ZCCHC10: variants seen among roughly 807,000 people sequenced by gnomAD.
ZCCHC10 encodes the protein zinc finger CCHC-type containing 10, also known as zinc finger CCHC domain-containing protein 10.
ZCCHC10 carries 16 observed loss-of-function variants against 19.5 expected under a neutral mutation model. The ratio of observed to expected loss-of-function variants is 0.82; its 90% CI spans 0.56 to 1.25. The LOEUF is 1.25. Ranked by LOEUF, ZCCHC10 falls within the 50% of genes most tolerant of loss-of-function variation. ZCCHC10 has a pLI of 0.00. For synonymous variants in ZCCHC10, 67 were observed against 72.5 expected, an observed-to-expected ratio of 0.92 and a Z score of 0.38; for missense variants, 197 against 201.0, an observed-to-expected ratio of 0.98 and a Z score of 0.12.
rs1713159046 is a variant in ZCCHC10 at position 133,023,480 on chromosome 5, T to TA, written c.42-575dup. ...AAAGACCTTTTTTTTTTTTTTTTTT[T>TA]AAAGAACGATAAAGCCAGGTGCGGT... On this transcript the variant is annotated intron_variant, in intron 1 of 4. Transcript: ENST00000509437. Among the ~76,000 whole-genome samples the TA allele has an allele frequency of 8.2e-5, 11 of 134,494 alleles. No homozygotes were observed. The South Asian group carries it at 2.5e-3, about 30-fold the overall frequency. The allele number at this position is 134,494 out of a possible 152,430, so 88.2% of individuals were successfully genotyped here.
In ZCCHC10 at chr5:133,004,513, A is replaced by C. The variant is rs1031904844; in HGVS notation, c.269+2246T>G. On this transcript the variant is annotated intron_variant, in intron 3 of 4. Coordinates refer to ENST00000509437, the MANE Select transcript of ZCCHC10 (RefSeq NM_001300816.3). ...TTTTTATTTTTATTTTCTGAGACGG[A>C]GTCTCGCTCTGTCACCCGGGCTAGA... is the stretch of plus-strand genomic sequence containing the variant. Among the ~76,000 whole-genome samples, 3 of 150,638 alleles carry C rather than the reference A, an allele frequency of 2.0e-5. No homozygotes were observed. In the East Asian group the frequency reaches 5.9e-4, roughly 29 times the overall value.
At chr5:133,000,228 T>C in intron 3 of ZCCHC10, 55 bp from the exon 4 acceptor site, 2 of 1,597,386 alleles carry the variant, frequency 1.3e-6, no homozygotes, top group South Asian at 2.2e-5. Context: ...TATACACAGC[T>C]CAGACAAGCC....
chr5:133,024,347 A>G (rs73788282), intron 1 of ZCCHC10, among the ~76,000 whole-genome samples: 1,761 of 152,236 alleles, frequency 0.012, 33 homozygotes, highest in African/African-American at 0.04. Flanking sequence ...AATCAATCAG[A>G]GCTTCACAAT....
At chr5:133,010,137 C>T (rs1763402145) in intron 2 of ZCCHC10, among the ~76,000 whole-genome samples, 1 of 151,516 alleles carries the variant, frequency 6.6e-6, no homozygotes, top group African/African-American at 2.4e-5. Context: ...CAGCCTCTGC[C>T]CCCCAGGTTC....
chr5:133,026,478 G>T lies in ZCCHC10; in HGVS notation c.41+19C>A. On this transcript the variant is annotated intron_variant, in intron 1 of 4. Coordinates refer to ENST00000509437, the MANE Select transcript of ZCCHC10 (RefSeq NM_001300816.3). ...CCGCTCCCAGCCCTCCAGTGGACCCGAACCGGATCCTTACTTACGCTTGTC... is the reference window on the plus strand; with the variant it reads ...CCGCTCCCAGCCCTCCAGTGGACCCTAACCGGATCCTTACTTACGCTTGTC... 1 of 1,613,046 alleles carries T rather than the reference G, an allele frequency of 6.2e-7. No individual in the cohort carries two copies. The highest frequency in any genetic ancestry group is 1.1e-5 in the South Asian group (1 of 90,714).
intron 3 of ZCCHC10, among the ~76,000 whole-genome samples, chr5:133,004,449 C>G (rs1004485704): frequency 6.6e-6 from 1 of 152,212 alleles, no homozygotes; most frequent in African/African-American, 2.4e-5. Flanking sequence ...GCTGGGATTA[C>G]AGGCATGAGC....
chr5:133,001,059 T>C (rs1762738524), intron 3 of ZCCHC10, among the ~76,000 whole-genome samples: 2 of 152,222 alleles, frequency 1.3e-5, no homozygotes, highest in African/African-American at 4.8e-5. Context: ...GCTATTATTC[T>C]GTCAAACAAC....
rs1034342401 is a variant in ZCCHC10 at position 133,020,725 on chromosome 5, A to AT, written c.107+2115dup. Among the ~76,000 whole-genome samples, 246 of 146,400 alleles carry AT rather than the reference A, an allele frequency of 1.7e-3. 3 individuals carry two copies. The highest frequency in any genetic ancestry group is 0.012 in the Admixed American group (169 of 14,544). On this transcript the variant is annotated intron_variant, in intron 2 of 4. Transcript: ENST00000509437. The stretch of plus-strand genomic sequence containing the variant: ...CTACCAGCAACAACTGAAACTAAAA[A>AT]TTTTTTTTTTTTTGAGACGGAGTCT...
intron 2 of ZCCHC10, among the ~76,000 whole-genome samples, chr5:133,014,842 T>C (rs141262468): frequency 3.3e-5 from 5 of 152,348 alleles, no homozygotes; most frequent in Non-Finnish European, 5.9e-5. Flanking sequence ...CATGGTATAA[T>C]GCGTGATTAC....
chr5:133,006,557 C>T (rs1763129727), intron 3 of ZCCHC10, among the ~76,000 whole-genome samples: 1 of 152,086 alleles, frequency 6.6e-6, no homozygotes, highest in African/African-American at 2.4e-5. Context: ...ATACTACCTA[C>T]CTTAATAGTG....
intron 2 of ZCCHC10, 46 bp from the exon 3 acceptor site, chr5:133,006,966 G>T: frequency 6.6e-7 from 1 of 1,512,102 alleles, no homozygotes; most frequent in South Asian, 1.3e-5. Flanking sequence ...TCTGTCTTGT[G>T]ACTTTCACCC....
intron 2 of ZCCHC10, among the ~76,000 whole-genome samples, chr5:133,020,719 C>G (rs1285470609): frequency 6.6e-6 from 1 of 151,106 alleles, no homozygotes; most frequent in Non-Finnish European, 1.5e-5. Context: ...ACAACTGAAA[C>G]TAAAAATTTT....
At chr5:133,006,999 AG>A in intron 2 of ZCCHC10, 79 bp from the exon 3 acceptor site, 2 of 1,351,216 alleles carry the variant, frequency 1.5e-6, no homozygotes, top group Non-Finnish European at 2.0e-6. Flanking sequence ...AAAAATATAA[AG>A]GATAAAATTA....
At chr5:133,017,296 T>C (rs1448432330) in intron 2 of ZCCHC10, among the ~76,000 whole-genome samples, 2 of 152,160 alleles carry the variant, frequency 1.3e-5, no homozygotes, top group African/African-American at 4.8e-5. Flanking sequence ...GTGTGCTCTA[T>C]TCTACCCAAT....
rs532365333 is a variant in ZCCHC10 at position 133,002,940 on chromosome 5, G to A, written c.270-2767C>T. On this transcript the variant is annotated intron_variant, in intron 3 of 4. Transcript: ENST00000509437. The stretch of plus-strand genomic sequence containing the variant: ...TCACCATGTTGGTCAGGCTGGTCTC[G>A]AACTCTTGACCTCAGGCGATCCACC... Among the ~76,000 whole-genome samples, 21 of 152,112 alleles carry A rather than the reference G, an allele frequency of 1.4e-4. No homozygotes were observed. In the South Asian group the frequency reaches 3.5e-3, roughly 26 times the overall value.
intron 3 of ZCCHC10, among the ~76,000 whole-genome samples, chr5:133,003,604 T>C (rs1395697313): frequency 6.6e-6 from 1 of 152,054 alleles, no homozygotes; most frequent in African/African-American, 2.4e-5. Flanking sequence ...GATCCTCTTG[T>C]CTTGGCCTCC....
intron 2 of ZCCHC10, among the ~76,000 whole-genome samples, chr5:133,021,539 A>C (rs1227941319): frequency 6.6e-6 from 1 of 152,190 alleles, no homozygotes; most frequent in Non-Finnish European, 1.5e-5. Context: ...ACTCAATGCA[A>C]TCCCAGCTGA....
At chr5:133,017,045 G>T (rs1763972196) in intron 2 of ZCCHC10, among the ~76,000 whole-genome samples, 1 of 151,984 alleles carries the variant, frequency 6.6e-6, no homozygotes, top group Non-Finnish European at 1.5e-5. Context: ...AACAACTTTT[G>T]TTAAACTGCC....
At chr5:133,026,102 C>T (rs961438833) in intron 1 of ZCCHC10, among the ~76,000 whole-genome samples, 1 of 152,168 alleles carries the variant, frequency 6.6e-6, no homozygotes, top group Non-Finnish European at 1.5e-5. Context: ...GGCAGCTGGG[C>T]TGGACACTGA....
Sources: gnomAD v4.1 joint callset for allele counts (sites outside exome capture counted in the v4.1 genomes callset) on GRCh38, gnomAD v4.1.1 for gene constraint, MANE v1.5 for transcripts, NCBI Gene and HGNC (gene_info 2026-07-23, HGNC 2026-07-21) for gene names.